PCDH15: variants seen among roughly 807,000 people sequenced by gnomAD.
The protein encoded by PCDH15 is protocadherin related 15.
PCDH15 carries 129 observed loss-of-function variants against 178.5 expected under a neutral mutation model. The ratio of observed to expected loss-of-function variants is 0.72; its 90% CI spans 0.63 to 0.84. The LOEUF (loss-of-function observed/expected upper bound fraction) is 0.84, where lower values mean the gene tolerates loss of function less well. Among genes scored for constraint, PCDH15 ranks in the 40% least tolerant of loss-of-function variants. The probability of loss-of-function intolerance (pLI) is 0.00; values close to 1 mark genes in which losing one functional copy is unlikely to be tolerated. For synonymous variants in PCDH15, 800 were observed against 732.0 expected (o/e 1.09, Z -1.50); for missense variants, 2,230 against 2,099.9 (o/e 1.06, Z -1.21).
intron 17 of PCDH15, among the ~76,000 whole-genome samples, chr10:54,068,659 G>A (rs945427013): frequency 2.6e-5 from 4 of 152,116 alleles, no homozygotes; most frequent in Non-Finnish European, 5.9e-5. Context: ...ATCCCTACAT[G>A]GTGATAAAAA....
At chr10:55,206,987 CTCTCTT>C (rs916747703) in intron 1 of PCDH15, among the ~76,000 whole-genome samples, 15 of 151,880 alleles carry the variant, frequency 9.9e-5, no homozygotes, top group African/African-American at 2.9e-4. Flanking sequence ...CTATATTGAT[CTCTCTT>C]TCTCTTTCTC....
chr10:54,894,685 C>T (rs1310074959), intron 3 of PCDH15, among the ~76,000 whole-genome samples: 1 of 151,994 alleles, frequency 6.6e-6, no homozygotes, highest in Non-Finnish European at 1.5e-5. Flanking sequence ...AACCAAAGGT[C>T]ATAAAGAAAT....
intron 1 of PCDH15, among the ~76,000 whole-genome samples, chr10:55,225,296 C>T (rs550139999): frequency 6.6e-5 from 10 of 152,182 alleles, no homozygotes; most frequent in Middle Eastern, 3.4e-3. Context: ...TTGCTATAAC[C>T]TCTAACATCA....
At chr10:53,875,375 A>G (rs1381455585) in intron 26 of PCDH15, among the ~76,000 whole-genome samples, 1 of 151,930 alleles carries the variant, frequency 6.6e-6, no homozygotes, top group African/African-American at 2.4e-5. Flanking sequence ...TATTAATAGT[A>G]ATAAGGAGAT....
chr10:54,366,359 T>A (rs532534173), intron 5 of PCDH15, among the ~76,000 whole-genome samples: 6 of 152,254 alleles, frequency 3.9e-5, no homozygotes, highest in African/African-American at 1.4e-4. Flanking sequence ...ATAAACTTCA[T>A]GTCTTATACT....
rs200659909 is a variant in PCDH15, at chr10:55,097,118, GATTT to G, written c.-80+69454_-80+69457del. Among the ~76,000 whole-genome samples the G allele has an allele frequency of 8.2e-3, 1,246 of 152,118 alleles. 14 individuals carry two copies. The highest frequency in any genetic ancestry group is 0.027 in the African/African-American group (1,123 of 41,516). ...AAGTTGTCAACTAGTGTTTTGTAAGGATTTATTATGTGTCCAGTACTCTACTAAG... is the reference window on the plus strand; with the variant it reads ...AAGTTGTCAACTAGTGTTTTGTAAGGATTATGTGTCCAGTACTCTACTAAG... On this transcript the variant is annotated intron_variant, in intron 2 of 5. Coordinates refer to the PCDH15 transcript ENST00000458638.
At chr10:55,240,031 C>A (rs1331579991) in intron 1 of PCDH15, among the ~76,000 whole-genome samples, 3 of 151,962 alleles carry the variant, frequency 2.0e-5, no homozygotes, top group Non-Finnish European at 4.4e-5. Context: ...CAAAAACAGG[C>A]AACAATGAAG....
intron 3 of PCDH15, among the ~76,000 whole-genome samples, chr10:54,496,487 T>C (rs1023324425): frequency 6.6e-6 from 1 of 152,136 alleles, no homozygotes; most frequent in Non-Finnish European, 1.5e-5. Flanking sequence ...ACTAGGACAT[T>C]TGTGATAGCA....
chr10:54,296,148 A>C (rs1276974705), intron 8 of PCDH15, among the ~76,000 whole-genome samples: 23 of 132,934 alleles, frequency 1.7e-4, no homozygotes, highest in African/African-American at 8.3e-4. Flanking sequence ...CCGTCTCAAA[A>C]AAAAAAAAAA....
At position 55,303,880 on chromosome 10, in the gene PCDH15, C is replaced by A. The variant is rs553427453; in HGVS notation, c.-156+15719G>T. On this transcript the variant is annotated intron_variant, in intron 1 of 5. Transcript: ENST00000458638. ...TTGCCTCTATAGATTTTCCTTTGTT[C>A]TCAATTTTATTTATTCTGATCATAT... is the stretch of plus-strand genomic sequence containing the variant. Among the ~76,000 whole-genome samples, 6 of 152,054 alleles carry A rather than the reference C, an allele frequency of 3.9e-5. No individual in the cohort carries two copies. The East Asian group carries it at 9.7e-4, about 25-fold the overall frequency.
chr10:55,249,350 C>T (rs1316686783), intron 1 of PCDH15, among the ~76,000 whole-genome samples: 1 of 152,148 alleles, frequency 6.6e-6, no homozygotes, highest in African/African-American at 2.4e-5. Flanking sequence ...GAATGTATCA[C>T]TAAAATATGA....
intron 2 of PCDH15, among the ~76,000 whole-genome samples, chr10:55,131,022 T>A (rs1015408883): frequency 1.3e-5 from 2 of 151,972 alleles, no homozygotes; most frequent in African/African-American, 4.8e-5. Flanking sequence ...CACAACATCC[T>A]CCTTTCTTGA....
intron 2 of PCDH15, among the ~76,000 whole-genome samples, chr10:54,608,270 C>T (rs1038239213): frequency 6.7e-6 from 1 of 149,878 alleles, no homozygotes; most frequent in African/African-American, 2.5e-5. Context: ...GAGTTTAGGA[C>T]GAGCATGGGC....
At chr10:55,396,707 G>A (rs570387117) in intron 2 of PCDH15, among the ~76,000 whole-genome samples, 22 of 152,242 alleles carry the variant, frequency 1.4e-4, no homozygotes, top group African/African-American at 5.3e-4. Context: ...CTTTGTACAT[G>A]GTCAGCTTTG....
intron 32 of PCDH15, chr10:53,821,552 G>A: frequency 1.8e-6 from 2 of 1,101,038 alleles, no homozygotes; most frequent in Non-Finnish European, 2.2e-6. Context: ...TTTGGTTTAA[G>A]TTGGGTATCT....
intron 2 of PCDH15, among the ~76,000 whole-genome samples, chr10:55,595,859 ATAC>A (rs1354306415): frequency 6.6e-6 from 1 of 152,126 alleles, no homozygotes; most frequent in Admixed American, 6.6e-5. Flanking sequence ...AATTTTAGAA[ATAC>A]CATTCTTCTA....
chr10:54,104,835 T>TCAA (rs1162769227), intron 15 of PCDH15, among the ~76,000 whole-genome samples: 3 of 99,024 alleles, frequency 3.0e-5, no homozygotes, highest in Non-Finnish European at 5.7e-5. Flanking sequence ...AGACTCTGCC[T>TCAA]CAACAACAAC....
intron 3 of PCDH15, among the ~76,000 whole-genome samples, chr10:54,446,278 T>G (rs2076137482): frequency 6.6e-6 from 1 of 151,686 alleles, no homozygotes; most frequent in Non-Finnish European, 1.5e-5. Context: ...ATGTTAATAT[T>G]TTCCAAATAA....
chr10:53,983,407 G>A (rs542058848), intron 21 of PCDH15, among the ~76,000 whole-genome samples: 43 of 150,106 alleles, frequency 2.9e-4, no homozygotes, highest in African/African-American at 1.0e-3. Context: ...TAACCACTGA[G>A]AAAGTCCTGT....
Sources: gnomAD v4.1 joint callset for allele counts (sites outside exome capture counted in the v4.1 genomes callset) on GRCh38, gnomAD v4.1.1 for gene constraint, MANE v1.5 for transcripts, NCBI Gene and HGNC (gene_info 2026-07-23, HGNC 2026-07-21) for gene names.